Variants in IQCJ observed in about 807,000 individuals in gnomAD.
IQCJ encodes the protein IQ motif containing J.
IQCJ carries 9 observed loss-of-function variants against 11.0 expected under a neutral mutation model. The observed-to-expected ratio is 0.82, with a 90% CI of 0.49 to 1.43. The LOEUF (loss-of-function observed/expected upper bound fraction) is 1.43, where lower values mean the gene tolerates loss of function less well. Among genes scored for constraint, IQCJ ranks in the 40% most tolerant of loss-of-function variants. The pLI is 0.00. For synonymous variants in IQCJ, 55 were observed against 51.3 expected (o/e 1.07, Z -0.31); for missense variants, 146 against 133.2 (o/e 1.10, Z -0.47).
At chr3:159,240,024 G>C (rs1726824573) in intron 1 of IQCJ, among the ~76,000 whole-genome samples, 1 of 152,014 alleles carries the variant, frequency 6.6e-6, no homozygotes, top group Non-Finnish European at 1.5e-5. Context: ...GACAATATAT[G>C]ACCTAGATCT....
chr3:159,219,403 G>T (rs1725412728), intron 1 of IQCJ, among the ~76,000 whole-genome samples: 1 of 152,110 alleles, frequency 6.6e-6, no homozygotes. Flanking sequence ...TCAATTCTAT[G>T]ACACATAAAA....
At chr3:159,162,546 T>C (rs541037842) in intron 1 of IQCJ, among the ~76,000 whole-genome samples, 1 of 152,184 alleles carries the variant, frequency 6.6e-6, no homozygotes, top group Non-Finnish European at 1.5e-5. Flanking sequence ...CTAATTGCCC[T>C]GGGCAGCACT....
Position 159,126,437 on chromosome 3 carries a change from C to T in IQCJ, c.9+56996C>T, listed in dbSNP as rs755893838. Among the ~76,000 whole-genome samples the T allele has an allele frequency of 7.2e-5, 11 of 152,224 alleles. No homozygotes were observed. In the East Asian group the frequency reaches 7.7e-4, roughly 11 times the overall value. Reference sequence around the variant, plus strand: ...CTCTCTGGAGTCAGCATATTTCTCACGCCATTATTAAGTACTGGCTTCAGT... The same window carrying T: ...CTCTCTGGAGTCAGCATATTTCTCATGCCATTATTAAGTACTGGCTTCAGT... On this transcript the variant is annotated intron_variant, in intron 1 of 3. Coordinates refer to ENST00000397832, the MANE Select transcript of IQCJ (RefSeq NM_001042706.3).
intron 1 of IQCJ, among the ~76,000 whole-genome samples, chr3:159,087,027 C>T (rs994330709): frequency 2.0e-5 from 3 of 152,152 alleles, no homozygotes; most frequent in Non-Finnish European, 4.4e-5. Context: ...CAGGTTTTGC[C>T]CATTCAGTAT....
chr3:159,222,295 G>T (rs2621279), intron 1 of IQCJ, among the ~76,000 whole-genome samples: 20 of 152,054 alleles, frequency 1.3e-4, no homozygotes, highest in Admixed American at 1.3e-3. Context: ...CTACACATAC[G>T]CATGAAATAT....
At chr3:159,200,852 G>A (rs1259683980) in intron 1 of IQCJ, among the ~76,000 whole-genome samples, 1 of 152,182 alleles carries the variant, frequency 6.6e-6, no homozygotes, top group Non-Finnish European at 1.5e-5. Context: ...GAAGGCTAGT[G>A]TTGGTCGCAG....
At chr3:159,074,074 A>T (rs1715757520) in intron 1 of IQCJ, among the ~76,000 whole-genome samples, 1 of 152,090 alleles carries the variant, frequency 6.6e-6, no homozygotes, top group African/African-American at 2.4e-5. Context: ...ATACCTGCAA[A>T]AGTAAATTGG....
intron 1 of IQCJ, among the ~76,000 whole-genome samples, chr3:159,093,148 C>A (rs1221239096): frequency 6.6e-6 from 1 of 151,760 alleles, no homozygotes; most frequent in Admixed American, 6.6e-5. Context: ...AATCTGTGTC[C>A]TTCAGAATCT....
At chr3:159,216,948 A>C (rs1056326899) in intron 1 of IQCJ, among the ~76,000 whole-genome samples, 3 of 152,174 alleles carry the variant, frequency 2.0e-5, no homozygotes, top group Non-Finnish European at 2.9e-5. Context: ...TTACCAACTT[A>C]ATAGCTCAAT....
At chr3:159,200,188 G>A (rs1431103953) in intron 1 of IQCJ, among the ~76,000 whole-genome samples, 4 of 146,822 alleles carry the variant, frequency 2.7e-5, no homozygotes, top group Non-Finnish European at 4.4e-5. Flanking sequence ...TACTTGCCAC[G>A]TTGAGAGTGA....
chr3:159,093,477 C>T (rs539382379), intron 1 of IQCJ, among the ~76,000 whole-genome samples: 1 of 151,902 alleles, frequency 6.6e-6, no homozygotes, highest in South Asian at 2.1e-4. Flanking sequence ...AAATGCTCCA[C>T]TTTTGAGTGA....
intron 1 of IQCJ, among the ~76,000 whole-genome samples, chr3:159,179,001 A>G (rs1404738293): frequency 2.6e-5 from 4 of 152,098 alleles, no homozygotes; most frequent in Admixed American, 2.0e-4. Flanking sequence ...TGCTAGAAAA[A>G]AATATATTTT....
At chr3:159,229,245 A>G (rs934803924) in intron 1 of IQCJ, among the ~76,000 whole-genome samples, 2 of 151,426 alleles carry the variant, frequency 1.3e-5, no homozygotes, top group African/African-American at 4.9e-5. Context: ...CAGTCGGCCA[A>G]TAAGGAGCAA....
intron 1 of IQCJ, among the ~76,000 whole-genome samples, chr3:159,124,373 A>G (rs537702175): frequency 1.3e-5 from 2 of 152,284 alleles, no homozygotes; most frequent in Admixed American, 1.3e-4. Context: ...AATGGTTACT[A>G]TGAGTAAATA....
At chr3:159,086,797 T>C (rs972755284) in intron 1 of IQCJ, among the ~76,000 whole-genome samples, 8 of 152,306 alleles carry the variant, frequency 5.3e-5, no homozygotes, top group African/African-American at 1.7e-4. Context: ...AAGTTGCTTA[T>C]CAGCTTAAGG....
chr3:159,214,909 G>A (rs1435055321), intron 1 of IQCJ, among the ~76,000 whole-genome samples: 1 of 152,152 alleles, frequency 6.6e-6, no homozygotes, highest in African/African-American at 2.4e-5. Flanking sequence ...AGGGCATATT[G>A]TTACCCCCTT....
At chr3:159,117,643 A>G (rs1049923014) in intron 1 of IQCJ, among the ~76,000 whole-genome samples, 1 of 152,172 alleles carries the variant, frequency 6.6e-6, no homozygotes, top group Non-Finnish European at 1.5e-5. Context: ...TCTTCCATTG[A>G]TAAACTGTGG....
chr3:159,127,606 A>G (rs1719748954), intron 1 of IQCJ, among the ~76,000 whole-genome samples: 1 of 152,186 alleles, frequency 6.6e-6, no homozygotes, highest in Non-Finnish European at 1.5e-5. Context: ...ATTTATGTTT[A>G]TTAAGGCTCT....
At chr3:159,261,598 AGTT>A (rs1418301322) in intron 3 of IQCJ, among the ~76,000 whole-genome samples, 8 of 152,114 alleles carry the variant, frequency 5.3e-5, no homozygotes, top group Non-Finnish European at 8.8e-5. Flanking sequence ...CATGATTGTA[AGTT>A]TCCTGAGACC....
Sources: gnomAD v4.1 joint callset for allele counts (sites outside exome capture counted in the v4.1 genomes callset) on GRCh38, gnomAD v4.1.1 for gene constraint, MANE v1.5 for transcripts, NCBI Gene and HGNC (gene_info 2026-07-23, HGNC 2026-07-21) for gene names.